Variants in TNFRSF19 observed in about 807,000 individuals in gnomAD.
TNFRSF19 encodes TNF receptor superfamily member 19.
A neutral mutation model predicts 46.4 loss-of-function variants in TNFRSF19; 27 were observed. The ratio of observed to expected loss-of-function variants is 0.58; its 90% CI spans 0.43 to 0.80. The LOEUF (loss-of-function observed/expected upper bound fraction) is 0.80, where lower values mean the gene tolerates loss of function less well. Among genes scored for constraint, TNFRSF19 ranks in the 30% least tolerant of loss-of-function variants. TNFRSF19 has a pLI of 0.00. For missense variants in TNFRSF19, 511 were observed against 530.8 expected, an observed-to-expected ratio of 0.96 and a Z score of 0.37; for synonymous variants, 204 against 205.0, an observed-to-expected ratio of 1.00 and a Z score of 0.04.
chr13:23,622,192 G>A (rs920725402), intron 4 of TNFRSF19, among the ~76,000 whole-genome samples: 5 of 151,936 alleles, frequency 3.3e-5, no homozygotes, highest in South Asian at 2.1e-4. Flanking sequence ...TCACACGGTC[G>A]GGAGTTCGAG....
chr13:23,603,809 A>G (rs530949464), intron 3 of TNFRSF19, among the ~76,000 whole-genome samples: 1 of 152,146 alleles, frequency 6.6e-6, no homozygotes, highest in South Asian at 2.1e-4. Context: ...CTCTCAGTAA[A>G]CTAGGAATGG....
chr13:23,614,769 A>ATATATATATATATATATATATATAT (rs59907466), intron 3 of TNFRSF19, among the ~76,000 whole-genome samples: 20 of 147,170 alleles, frequency 1.4e-4, no homozygotes, highest in South Asian at 2.2e-4. Flanking sequence ...ATATATATAT[A>ATATATATATATATATATATATATAT]GTACCTGGCA....
At chr13:23,591,737 T>C (rs144200372) in intron 2 of TNFRSF19, among the ~76,000 whole-genome samples, 11,852 of 149,844 alleles carry the variant, frequency 0.079, 714 homozygotes, top group East Asian at 0.28. Context: ...TCTTTTTTTT[T>C]TTTTTTTGAG....
intron 5 of TNFRSF19, among the ~76,000 whole-genome samples, chr13:23,639,981 C>G (rs1244949594): frequency 2.0e-5 from 3 of 152,172 alleles, no homozygotes; most frequent in Non-Finnish European, 2.9e-5. Flanking sequence ...GCGCAATACT[C>G]TGTACTCAGG....
rs1331657269 is a variant in TNFRSF19, at chr13:23,600,973, T to TG, written c.180+7520dup. On this transcript the variant is annotated intron_variant, in intron 3 of 9. Coordinates refer to ENST00000248484, the MANE Select transcript of TNFRSF19 (RefSeq NM_148957.4). ...TCAGAACCAGACTTGGCAGGGATCT[T>TG]GGAGTTATCAGAGAGAATCAAGAAC... 2.0e-5 allele frequency among the ~76,000 whole-genome samples: 3 copies of TG among 152,318 alleles called. No individual in the cohort carries two copies. In the East Asian group the frequency reaches 5.8e-4, roughly 29 times the overall value.
At chr13:23,637,376 C>T (rs115713735) in intron 5 of TNFRSF19, among the ~76,000 whole-genome samples, 1,571 of 152,316 alleles carry the variant, frequency 0.01, 30 homozygotes, top group African/African-American at 0.036. Context: ...TTCTTCATCC[C>T]TGTTTCTTAA....
At chr13:23,611,052 A>C (rs1880874382) in intron 3 of TNFRSF19, among the ~76,000 whole-genome samples, 1 of 152,052 alleles carries the variant, frequency 6.6e-6, no homozygotes, top group Non-Finnish European at 1.5e-5. Flanking sequence ...CTTATCCTGA[A>C]GCCCAGGCTA....
chr13:23,624,676 A>G (rs1470893807), intron 4 of TNFRSF19, among the ~76,000 whole-genome samples: 1 of 152,112 alleles, frequency 6.6e-6, no homozygotes, highest in African/African-American at 2.4e-5. Flanking sequence ...AATTCCCACA[A>G]TCTAGAAATA....
intron 1 of TNFRSF19, among the ~76,000 whole-genome samples, chr13:23,580,753 T>G (rs537795903): frequency 1.1e-4 from 17 of 152,262 alleles, no homozygotes; most frequent in Non-Finnish European, 2.5e-4. Context: ...ATAACACTTA[T>G]CAAATTGTTC....
At chr13:23,598,316 A>T (rs1471675776) in intron 3 of TNFRSF19, among the ~76,000 whole-genome samples, 1 of 152,182 alleles carries the variant, frequency 6.6e-6, no homozygotes, top group African/African-American at 2.4e-5. Context: ...GCAAACCACC[A>T]TGGCACATTT....
chr13:23,642,164 T>G (rs897765523), intron 5 of TNFRSF19, among the ~76,000 whole-genome samples: 7 of 152,234 alleles, frequency 4.6e-5, no homozygotes, highest in Admixed American at 2.6e-4. Context: ...TTTGGTTTGT[T>G]TTTAATCATT....
intron 3 of TNFRSF19, among the ~76,000 whole-genome samples, chr13:23,615,281 A>G (rs772199072): frequency 1.3e-5 from 2 of 152,216 alleles, no homozygotes; most frequent in Non-Finnish European, 1.5e-5. Context: ...TGAGACCTTT[A>G]GTACCACAGA....
chr13:23,627,744 G>A (rs7986433), intron 5 of TNFRSF19, among the ~76,000 whole-genome samples: 13,766 of 152,226 alleles, frequency 0.09, 709 homozygotes, highest in Middle Eastern at 0.12. Flanking sequence ...CTGTCCTCTT[G>A]CTTTTTGCTA....
chr13:23,580,392 C>A (rs1382855937), intron 1 of TNFRSF19, among the ~76,000 whole-genome samples: 1 of 152,188 alleles, frequency 6.6e-6, no homozygotes, highest in Non-Finnish European at 1.5e-5. Context: ...ATGACAGTTT[C>A]TTTGACTACA....
chr13:23,618,384 A>C (rs866060303), intron 4 of TNFRSF19, among the ~76,000 whole-genome samples: 1 of 152,256 alleles, frequency 6.6e-6, no homozygotes, highest in African/African-American at 2.4e-5. Flanking sequence ...ATGTCCAATA[A>C]GCACATGAAA....
chr13:23,583,979 G>A (rs945574178), intron 1 of TNFRSF19, among the ~76,000 whole-genome samples: 6 of 152,142 alleles, frequency 3.9e-5, no homozygotes, highest in African/African-American at 1.4e-4. Flanking sequence ...CTAATGCAAA[G>A]ATGATAAAAT....
At chr13:23,669,306 G>A (rs1951714239) in intron 9 of TNFRSF19, 1 of 1,386,770 alleles carries the variant, frequency 7.2e-7, no homozygotes. Flanking sequence ...AAAGTGGACA[G>A]CTGCATTCTT....
chr13:23,666,625 C>T (rs551402204), intron 7 of TNFRSF19, among the ~76,000 whole-genome samples: 2 of 152,298 alleles, frequency 1.3e-5, no homozygotes, highest in Admixed American at 1.3e-4. Flanking sequence ...CCAGGTTTAT[C>T]GTGTACTTTC....
intron 5 of TNFRSF19, among the ~76,000 whole-genome samples, chr13:23,648,396 C>A (rs1883447769): frequency 6.6e-6 from 1 of 151,934 alleles, no homozygotes; most frequent in Admixed American, 6.6e-5. Flanking sequence ...TTGTTCATGC[C>A]TAGTGTATAA....
Sources: allele counts gnomAD v4.1 joint callset (sites outside exome capture counted in the v4.1 genomes callset), GRCh38; gene constraint gnomAD v4.1.1; transcripts MANE v1.5; gene names NCBI Gene and HGNC (gene_info 2026-07-23, HGNC 2026-07-21).